Variants in AFF2 observed in about 807,000 individuals in gnomAD.
AFF2 encodes the protein AF4/FMR2 family member 2.
A neutral mutation model predicts 76.9 loss-of-function variants in AFF2; 14 were observed. The observed-to-expected ratio is 0.18, with a 90% CI of 0.12 to 0.28. AFF2 has a LOEUF of 0.28. Ranked by LOEUF, AFF2 falls within the 10% of genes least tolerant of loss-of-function variation. The pLI is 1.00. For missense variants in AFF2, 868 were observed against 1,001.1 expected, an observed-to-expected ratio of 0.87 and a Z score of 1.79; for synonymous variants, 398 against 366.7, an observed-to-expected ratio of 1.09 and a Z score of -0.98.
chrX:148,806,728 T>C (rs2070139681), intron 3 of AFF2, among the ~76,000 whole-genome samples: 1 of 111,892 alleles, frequency 8.9e-6, no homozygotes, highest in Non-Finnish European at 1.9e-5. Context: ...ATGACTACCT[T>C]ACAATGTATG....
At chrX:148,747,160 C>T (rs1200109575) in intron 3 of AFF2, among the ~76,000 whole-genome samples, 3 of 111,520 alleles carry the variant, frequency 2.7e-5, no homozygotes, top group Non-Finnish European at 5.6e-5. Flanking sequence ...AACTCCTATT[C>T]ACCCTTCAAG....
chrX:148,631,247 A>C (rs961195311), intron 1 of AFF2, among the ~76,000 whole-genome samples: 10 of 112,247 alleles, frequency 8.9e-5, no homozygotes, highest in African/African-American at 2.9e-4. Flanking sequence ...AGTCTAAGAA[A>C]GTAGTGAAAT....
At chrX:148,986,223 C>T (rs2072469691) in intron 19 of AFF2, among the ~76,000 whole-genome samples, 1 of 112,154 alleles carries the variant, frequency 8.9e-6, no homozygotes, top group South Asian at 3.8e-4. Context: ...GACATCTTCC[C>T]TCCATTTCAT....
chrX:148,719,160 T>C (rs1214710922), intron 3 of AFF2: 1 of 1,144,595 alleles, frequency 8.7e-7, no homozygotes, highest in African/African-American at 1.8e-5. Flanking sequence ...TAAGATATGC[T>C]TCACCCCTCT....
intron 1 of AFF2, among the ~76,000 whole-genome samples, chrX:148,519,392 C>T (rs781783030): frequency 7.1e-5 from 8 of 112,539 alleles, no homozygotes; most frequent in South Asian, 3.7e-4. Flanking sequence ...ATATTACAGT[C>T]TTTGAACACA....
chrX:148,938,233 C>T (rs782375178), intron 9 of AFF2, among the ~76,000 whole-genome samples: 48 of 111,880 alleles, frequency 4.3e-4, no homozygotes, highest in Non-Finnish European at 7.9e-4. Context: ...GACCTGAATA[C>T]CTCTGATTGC....
At chrX:148,574,943 G>GGTGTGTGT (rs781819721) in intron 1 of AFF2, among the ~76,000 whole-genome samples, 228 of 95,664 alleles carry the variant, frequency 2.4e-3, no homozygotes, top group Non-Finnish European at 4.0e-3. Context: ...ATAGTGCTGG[G>GGTGTGTGT]GTGTGTGTGT....
intron 1 of AFF2, among the ~76,000 whole-genome samples, chrX:148,601,164 A>G (rs1171958598): frequency 3.6e-5 from 4 of 112,627 alleles, no homozygotes; most frequent in African/African-American, 1.3e-4. Context: ...TTTCAATTAT[A>G]GATGTAGCAC....
intron 5 of AFF2, 85 bp downstream of exon 5, chrX:148,837,818 C>T (rs2070546665): frequency 1.7e-6 from 1 of 604,221 alleles, no homozygotes; most frequent in Non-Finnish European, 2.7e-6. Flanking sequence ...GCAAAAATGG[C>T]CTTGGTCTTC....
rs1442154270 is a variant in AFF2 at position 148,791,391 on chromosome X, G to A, written c.1042-18485G>A. ...TCATGAGACTTATTCACTGCCATGG[G>A]AACAGCACAGAAAAGACCTGTCCCC... On this transcript the variant is annotated intron_variant, in intron 3 of 20. Coordinates refer to ENST00000370460, the MANE Select transcript of AFF2 (RefSeq NM_002025.4). Among the ~76,000 whole-genome samples the A allele has an allele frequency of 5.4e-5, 6 of 111,367 alleles. No homozygotes were observed. In the East Asian group the frequency reaches 1.7e-3, roughly 32 times the overall value.
intron 4 of AFF2, among the ~76,000 whole-genome samples, chrX:148,829,245 A>T (rs2070424565): frequency 8.9e-6 from 1 of 112,393 alleles, no homozygotes; most frequent in South Asian, 3.7e-4. Context: ...GTTTAATGTA[A>T]CCGTTGATTT....
intron 3 of AFF2, among the ~76,000 whole-genome samples, chrX:148,794,912 G>C (rs1368579433): frequency 1.8e-5 from 2 of 111,596 alleles, no homozygotes; most frequent in African/African-American, 6.5e-5. Context: ...CAAAAACCCA[G>C]GGGCTAGTCT....
chrX:148,715,664 C>G (rs1419840200), intron 3 of AFF2, among the ~76,000 whole-genome samples: 1 of 111,773 alleles, frequency 8.9e-6, no homozygotes, highest in African/African-American at 3.3e-5. Context: ...AGACTTGAAT[C>G]CAGATGGATG....
intron 3 of AFF2, among the ~76,000 whole-genome samples, chrX:148,674,729 T>C (rs1183622903): frequency 1.8e-5 from 2 of 111,998 alleles, no homozygotes; most frequent in Non-Finnish European, 3.8e-5. Flanking sequence ...TCACAAGATG[T>C]AAAAGAGGTG....
intron 3 of AFF2, among the ~76,000 whole-genome samples, chrX:148,674,103 CAA>C (rs1257183846): frequency 8.9e-6 from 1 of 111,938 alleles, no homozygotes; most frequent in African/African-American, 3.3e-5. Context: ...TGAAAACAAC[CAA>C]AGACAGTACA....
intron 19 of AFF2, among the ~76,000 whole-genome samples, chrX:148,986,862 T>G (rs1301488606): frequency 8.9e-6 from 1 of 112,870 alleles, no homozygotes; most frequent in Non-Finnish European, 1.9e-5. Flanking sequence ...TTGTTATATG[T>G]ATTCAAAGGA....
At chrX:148,768,796 T>A (rs1343716398) in intron 3 of AFF2, among the ~76,000 whole-genome samples, 2 of 112,056 alleles carry the variant, frequency 1.8e-5, no homozygotes, top group African/African-American at 6.5e-5. Flanking sequence ...TCATTGTTTT[T>A]CTCATTTGTT....
chrX:148,944,785 G>A (rs1433085356), intron 9 of AFF2, among the ~76,000 whole-genome samples: 1 of 110,327 alleles, frequency 9.1e-6, no homozygotes, highest in African/African-American at 3.3e-5. Flanking sequence ...ACCATGGTGA[G>A]GTTGAATCCA....
At chrX:148,633,875 T>C (rs184674395) in intron 1 of AFF2, among the ~76,000 whole-genome samples, 3,897 of 112,200 alleles carry the variant, frequency 0.035, 180 homozygotes, top group African/African-American at 0.12. Context: ...CTCTTTTCCC[T>C]TCCTCTTTCA....
Sources: gnomAD v4.1 joint callset for allele counts (sites outside exome capture counted in the v4.1 genomes callset) on GRCh38, gnomAD v4.1.1 for gene constraint, MANE v1.5 for transcripts, NCBI Gene and HGNC (gene_info 2026-07-23, HGNC 2026-07-21) for gene names.